The following GNAQ variants were observed in gnomAD, a reference collection of about 807,000 sequenced individuals.
The protein encoded by GNAQ is G protein subunit alpha q.
In GNAQ, 8 loss-of-function variants were observed where a neutral mutation model predicts 43.9. That is an observed-to-expected ratio of 0.18 (90% CI 0.11 to 0.33). The LOEUF is 0.33. GNAQ is among the 10% of genes least tolerant of loss of function. The probability of loss-of-function intolerance (pLI) is 1.00; values close to 1 mark genes in which losing one functional copy is unlikely to be tolerated. For missense variants in GNAQ, 158 were observed against 450.8 expected (o/e 0.35, Z 5.88); for synonymous variants, 155 against 170.7 (o/e 0.91, Z 0.71).
intron 1 of GNAQ, among the ~76,000 whole-genome samples, chr9:77,988,937 G>C (rs1823475707): frequency 6.6e-6 from 1 of 152,162 alleles, no homozygotes; most frequent in Admixed American, 6.5e-5. Context: ...TCAGAGATGA[G>C]TGTCAGCTAT....
chr9:77,903,290 A>C (rs1460200433), intron 2 of GNAQ, among the ~76,000 whole-genome samples: 2 of 152,126 alleles, frequency 1.3e-5, no homozygotes, highest in Non-Finnish European at 2.9e-5. Context: ...TGCCTGATGG[A>C]AGCTATTCCC....
chr9:77,940,764 G>T (rs1829304156), intron 1 of GNAQ, among the ~76,000 whole-genome samples: 2 of 151,958 alleles, frequency 1.3e-5, no homozygotes, highest in South Asian at 4.1e-4. Context: ...TCAGGAGATC[G>T]AGACCATCCT....
intron 1 of GNAQ, among the ~76,000 whole-genome samples, chr9:78,024,120 G>T (rs935781960): frequency 6.6e-6 from 1 of 152,220 alleles, no homozygotes; most frequent in African/African-American, 2.4e-5. Context: ...ACTTGTGTGT[G>T]TAACAGCTTT....
At chr9:77,784,600 T>C (rs868784637) in intron 5 of GNAQ, among the ~76,000 whole-genome samples, 9 of 152,254 alleles carry the variant, frequency 5.9e-5, no homozygotes, top group Admixed American at 3.3e-4. Context: ...TACACTACAA[T>C]TGGGGGGAAA....
At chr9:77,917,562 AG>A (rs1828930979) in intron 2 of GNAQ, among the ~76,000 whole-genome samples, 1 of 152,164 alleles carries the variant, frequency 6.6e-6, no homozygotes, top group Non-Finnish European at 1.5e-5. Flanking sequence ...ATAAAATAAC[AG>A]GGATAAAAAT....
chr9:77,736,058 A>C (rs1053093448), intron 5 of GNAQ, among the ~76,000 whole-genome samples: 1 of 152,182 alleles, frequency 6.6e-6, no homozygotes, highest in Non-Finnish European at 1.5e-5. Context: ...ATCTCTGACC[A>C]AACTAAACCC....
chr9:77,933,888 C>G (rs1336991111), intron 1 of GNAQ, among the ~76,000 whole-genome samples: 1 of 152,120 alleles, frequency 6.6e-6, no homozygotes, highest in Non-Finnish European at 1.5e-5. Flanking sequence ...AAATTGCACA[C>G]TTTAAAAATG....
chr9:77,910,908 T>C (rs975033857), intron 2 of GNAQ, among the ~76,000 whole-genome samples: 1 of 152,204 alleles, frequency 6.6e-6, no homozygotes, highest in Non-Finnish European at 1.5e-5. Flanking sequence ...CCAAGTTGTG[T>C]ATGACTCCAG....
intron 3 of GNAQ, 85 bp from the exon 4 acceptor site, chr9:77,797,733 C>T (rs2118457630): frequency 8.3e-7 from 1 of 1,207,460 alleles, no homozygotes; most frequent in Non-Finnish European, 1.2e-6. Flanking sequence ...AAAATGAGTC[C>T]TAACAGAGAA....
chr9:77,777,119 C>A (rs1263501295), intron 5 of GNAQ, among the ~76,000 whole-genome samples: 1 of 152,054 alleles, frequency 6.6e-6, no homozygotes, highest in Non-Finnish European at 1.5e-5. Context: ...GGGGCCAAGA[C>A]AATCCAATGT....
At chr9:77,737,451 G>A (rs1451480706) in intron 5 of GNAQ, among the ~76,000 whole-genome samples, 2 of 152,200 alleles carry the variant, frequency 1.3e-5, no homozygotes, top group Non-Finnish European at 2.9e-5. Flanking sequence ...GATGATCAAT[G>A]CTTCCTACTT....
chr9:77,946,904 C>G (rs923522710), intron 1 of GNAQ, among the ~76,000 whole-genome samples: 10 of 152,164 alleles, frequency 6.6e-5, no homozygotes, highest in African/African-American at 2.4e-4. Flanking sequence ...CAGGTAGAGC[C>G]CTTAGCAATA....
chr9:77,781,090 C>T (rs1214973454), intron 5 of GNAQ, among the ~76,000 whole-genome samples: 1 of 151,894 alleles, frequency 6.6e-6, no homozygotes, highest in East Asian at 1.9e-4. Flanking sequence ...CATTGCTGCA[C>T]AGAAACTCTT....
At chr9:77,753,944 T>G (rs1443945128) in intron 5 of GNAQ, among the ~76,000 whole-genome samples, 1 of 152,242 alleles carries the variant, frequency 6.6e-6, no homozygotes, top group Non-Finnish European at 1.5e-5. Flanking sequence ...TTCTCTTGTT[T>G]GTGTGTTGGG....
chr9:77,771,391 C>T (rs1449721406), intron 5 of GNAQ, among the ~76,000 whole-genome samples: 2 of 152,118 alleles, frequency 1.3e-5, no homozygotes, highest in African/African-American at 4.8e-5. Context: ...TATTAACATG[C>T]TGCAAATTAA....
intron 2 of GNAQ, among the ~76,000 whole-genome samples, chr9:77,890,067 T>C (rs1828376715): frequency 1.3e-5 from 2 of 152,254 alleles, no homozygotes; most frequent in African/African-American, 4.8e-5. Flanking sequence ...GACATGGGTT[T>C]GTAAGTTTTC....
chr9:77,975,967 G>C (rs369543817), intron 1 of GNAQ, among the ~76,000 whole-genome samples: 1 of 152,102 alleles, frequency 6.6e-6, no homozygotes, highest in Non-Finnish European at 1.5e-5. Context: ...TCCTGGCATC[G>C]GGAAGAGCCA....
intron 2 of GNAQ, among the ~76,000 whole-genome samples, chr9:77,867,193 T>C (rs1827963485): frequency 6.6e-6 from 1 of 152,136 alleles, no homozygotes; most frequent in African/African-American, 2.4e-5. Context: ...CCTTGGGAAC[T>C]CTCCTGGACT....
At chr9:77,843,783 C>A (rs574713154) in intron 2 of GNAQ, among the ~76,000 whole-genome samples, 54 of 152,216 alleles carry the variant, frequency 3.5e-4, no homozygotes, top group African/African-American at 1.3e-3. Flanking sequence ...AACAGCTGTT[C>A]CTGGGCATGT....
Sources: allele counts gnomAD v4.1 joint callset (sites outside exome capture counted in the v4.1 genomes callset), GRCh38; gene constraint gnomAD v4.1.1; transcripts MANE v1.5; gene names NCBI Gene and HGNC (gene_info 2026-07-23, HGNC 2026-07-21).